Variants in PTK7 observed in about 807,000 individuals in gnomAD.
PTK7 encodes the protein inactive tyrosine-protein kinase 7.
In PTK7, 39 loss-of-function variants were observed where a neutral mutation model predicts 116.6. That is an observed-to-expected ratio of 0.33 (90% CI 0.26 to 0.44). PTK7 has a LOEUF of 0.44. Among genes scored for constraint, PTK7 ranks in the 20% least tolerant of loss-of-function variants. The probability of loss-of-function intolerance (pLI) is 1.00; values close to 1 mark genes in which losing one functional copy is unlikely to be tolerated. For missense variants in PTK7, 1,169 were observed against 1,425.6 expected (o/e 0.82, Z 2.90); for synonymous variants, 546 against 563.6 (o/e 0.97, Z 0.44).
intron 1 of PTK7, among the ~76,000 whole-genome samples, chr6:43,079,468 T>G (rs1766243074): frequency 7.7e-6 from 1 of 129,964 alleles, no homozygotes; most frequent in South Asian, 2.6e-4. Context: ...GCCACTGCAC[T>G]CCAGCTTGGG....
intron 1 of PTK7, among the ~76,000 whole-genome samples, chr6:43,082,032 A>G (rs1337756860): frequency 6.6e-6 from 1 of 152,184 alleles, no homozygotes; most frequent in Non-Finnish European, 1.5e-5. Flanking sequence ...GCTGACTGCA[A>G]CTTAAAAACT....
At chr6:43,096,463 G>A (rs142906292) in intron 1 of PTK7, among the ~76,000 whole-genome samples, 2 of 151,964 alleles carry the variant, frequency 1.3e-5, no homozygotes, top group African/African-American at 2.4e-5. Flanking sequence ...GGAGGTGGGG[G>A]TGGGTGGTGA....
At chr6:43,093,348 C>T (rs1156772209) in intron 1 of PTK7, among the ~76,000 whole-genome samples, 2 of 151,998 alleles carry the variant, frequency 1.3e-5, no homozygotes, top group African/African-American at 4.8e-5. Flanking sequence ...CACGACCACG[C>T]CCGGCTAATT....
chr6:43,113,496 C>CAAAAA (rs1428283843), intron 1 of PTK7, among the ~76,000 whole-genome samples: 2 of 152,234 alleles, frequency 1.3e-5, no homozygotes, highest in East Asian at 3.9e-4. Context: ...AAGGGTTTTA[C>CAAAAA]CTAAGACTTT....
Position 43,145,212 on chromosome 6 carries a change from T to G in PTK7, c.2420T>G (p.Phe807Cys). 1 of 1,608,142 alleles carries G rather than the reference T, an allele frequency of 6.2e-7. No individual in the cohort carries two copies. The highest frequency in any genetic ancestry group is 1.1e-5 in the South Asian group (1 of 90,250). Reference protein sequence around the residue: ...QPITTLGKSEFGEVFLAKAQG... With the variant: ...QPITTLGKSECGEVFLAKAQG... ...ACTGTACCCACAGGGAAGAGTGAGT[T>G]TGGGGAGGTGTTCCTGGCAAAGGCT... The change falls in exon 16 of 20, where the codon TTT becomes TGT. Residue 807 changes from phenylalanine to cysteine, a missense_variant. Around this residue, in one of 3 missense-constraint regions of PTK7, gnomAD observed 678 missense variants for 853.8 expected, o/e 0.79. Transcript: ENST00000230419. The surrounding 1 kb of genome is among the most constrained non-coding windows in gnomAD (Gnocchi z 4.8).
chr6:43,132,000 A>G lies in PTK7; in HGVS notation c.813-16A>G. The G allele has an allele frequency of 1.9e-6, 3 of 1,612,458 alleles. No individual in the cohort carries two copies. The Admixed American group carries it at 5.0e-5, about 27-fold the overall frequency. ...CTATTGGCCACTTTCTCCAAATTGC[A>G]CTCTCCCCTCTGCAGCCCCCCACAC... On this transcript the variant is annotated splice_polypyrimidine_tract_variant and intron_variant, in intron 5 of 19. Transcript: ENST00000230419.
At chr6:43,152,398 C>T (rs1168076488) in intron 17 of PTK7, among the ~76,000 whole-genome samples, 11 of 152,156 alleles carry the variant, frequency 7.2e-5, no homozygotes, top group African/African-American at 2.2e-4. Context: ...GGCGTGGTGG[C>T]GCATGCCTGT....
chr6:43,160,061 G>T, intron 19 of PTK7, 95 bp downstream of exon 19: 1 of 1,314,218 alleles, frequency 7.6e-7, no homozygotes, highest in Middle Eastern at 2.0e-4. Context: ...TCCCTCTCAG[G>T]GCTGCTACTG....
At position 43,135,758 on chromosome 6, in the gene PTK7, G is replaced by A. The variant is rs544335317; in HGVS notation, c.1228+3071G>A. ...AAAGCATAGTAAGGACTTTGGCTTC[G>A]GCATCAGTTATCCATTGCTACATAG... On this transcript the variant is annotated intron_variant, in intron 7 of 19. Coordinates refer to ENST00000230419, the MANE Select transcript of PTK7 (RefSeq NM_002821.5). Among the ~76,000 whole-genome samples, 8 of 152,292 alleles carry A rather than the reference G, an allele frequency of 5.3e-5. No individual in the cohort carries two copies. The South Asian group carries it at 6.2e-4, about 12-fold the overall frequency.
intron 17 of PTK7, among the ~76,000 whole-genome samples, chr6:43,154,024 A>T (rs952824219): frequency 1.3e-5 from 2 of 152,112 alleles, no homozygotes; most frequent in African/African-American, 4.8e-5. Flanking sequence ...TTAGCCGTGC[A>T]TGGTGGTGGG....
rs1333248610 is a variant in PTK7 at position 43,138,189 on chromosome 6, G to GT, written c.1229-653dup. ...ATACCTTGGGGGGTTTGTTTTTTTT[G>GT]TTTTTTTAGAGATGGGGGTTTCACT... is the stretch of plus-strand genomic sequence containing the variant. On this transcript the variant is annotated intron_variant, in intron 7 of 19. Coordinates refer to ENST00000230419, the MANE Select transcript of PTK7 (RefSeq NM_002821.5). Among the ~76,000 whole-genome samples, 27 of 147,724 alleles carry GT rather than the reference G, an allele frequency of 1.8e-4. No homozygotes were observed. In the East Asian group the frequency reaches 3.4e-3, roughly 18 times the overall value.
In PTK7 at chr6:43,139,055, A is replaced by C; in HGVS notation, c.1362+73A>C. Reference sequence around the variant, plus strand: ...CTTGCCCTCTTCTGTGCTCACCTCCATAGCACTCTTACCCTGGAGGCAGCC... The same window carrying C: ...CTTGCCCTCTTCTGTGCTCACCTCCCTAGCACTCTTACCCTGGAGGCAGCC... On this transcript the variant is annotated intron_variant, in intron 8 of 19. Transcript: ENST00000230419. This position sits in a 1 kb window ranked among gnomAD's most constrained non-coding sequence, Gnocchi z 4.6. The C allele has an allele frequency of 6.2e-7, 1 of 1,609,482 alleles. No individual in the cohort carries two copies. The highest frequency in any genetic ancestry group is 1.7e-5 in the Admixed American group (1 of 59,670).
rs1377186297 is a variant in PTK7, at chr6:43,129,079, T to C, written c.182T>C (p.Val61Ala). The C allele has an allele frequency of 1.2e-6, 2 of 1,614,192 alleles. No homozygotes were observed. The highest frequency in any genetic ancestry group is 1.7e-6 in the Non-Finnish European group (2 of 1,180,020). ...LRCEVEAPGP[V>A]HVYWLLDGAP... ...TGTGAGGTTGAGGCTCCGGGCCCGGTACATGTGTACTGGCTGCTCGATGGG... is the reference window on the plus strand; with the variant it reads ...TGTGAGGTTGAGGCTCCGGGCCCGGCACATGTGTACTGGCTGCTCGATGGG... The change falls in exon 2 of 20, where the codon GTA becomes GCA. Residue 61 changes from valine to alanine, a missense_variant. Transcript: ENST00000230419. This position sits in a 1 kb window ranked among gnomAD's most constrained non-coding sequence, Gnocchi z 4.5.
intron 1 of PTK7, among the ~76,000 whole-genome samples, chr6:43,118,642 T>G (rs199960566): frequency 1.2e-5 from 1 of 84,786 alleles, no homozygotes; most frequent in Admixed American, 1.3e-4. Context: ...TCTCTCTCTC[T>G]CTCTCTCTCT....
intron 18 of PTK7, 30 bp from the exon 19 acceptor site, chr6:43,159,758 C>T (rs2150486208): frequency 6.2e-7 from 1 of 1,613,102 alleles, no homozygotes; most frequent in South Asian, 1.1e-5. Context: ...TCCCACCCCA[C>T]CTCACCCCTG....
Position 43,142,265 on chromosome 6 carries a change from C to T in PTK7, c.2013C>T (p.Asn671=), listed in dbSNP as rs45453593. ...RYTCIAGNSC[N]IKHTEAPLYV... ...CCTGCATTGCAGGCAACAGCTGCAA[C>T]ATCAAGCACACGGAGGCCCCCCTCT... The change falls in exon 13 of 20, where the codon AAC becomes AAT. Residue 671 remains asparagine (N), a synonymous_variant. Coordinates refer to ENST00000230419, the MANE Select transcript of PTK7 (RefSeq NM_002821.5). The T allele has an allele frequency of 7.3e-3, 11,826 of 1,614,214 alleles. 81 individuals carry two copies. The highest frequency in any genetic ancestry group is 0.021 in the South Asian group (1,882 of 91,080).
intron 1 of PTK7, among the ~76,000 whole-genome samples, chr6:43,087,300 T>C (rs1766715673): frequency 6.6e-6 from 1 of 152,224 alleles, no homozygotes; most frequent in South Asian, 2.1e-4. Flanking sequence ...CCTTATGTGA[T>C]AATTGGTGTG....
At chr6:43,138,770 G>T in intron 7 of PTK7, 79 bp from the exon 8 acceptor site, 1 of 1,513,682 alleles carries the variant, frequency 6.6e-7, no homozygotes, top group South Asian at 1.3e-5. Context: ...TAGAATGGTA[G>T]TAGGATTTCT....
At chr6:43,136,889 A>G (rs891553607) in intron 7 of PTK7, among the ~76,000 whole-genome samples, 2 of 152,164 alleles carry the variant, frequency 1.3e-5, no homozygotes, top group Non-Finnish European at 2.9e-5. Context: ...CTGTGGTCCT[A>G]GCCACTTTGG....
Sources: allele counts gnomAD v4.1 joint callset (sites outside exome capture counted in the v4.1 genomes callset), GRCh38; gene constraint gnomAD v4.1.1; regional missense constraint gnomAD v4.1.1; non-coding constraint Gnocchi (gnomAD v3.1); transcripts MANE v1.5; gene names NCBI Gene and HGNC (gene_info 2026-07-23, HGNC 2026-07-21).